DNAI4: variants seen among roughly 807,000 people sequenced by gnomAD.
DNAI4 encodes dynein axonemal intermediate chain 4, also known as WD repeat domain 78.
DNAI4 carries 85 observed loss-of-function variants against 105.8 expected under a neutral mutation model. That is an observed-to-expected ratio of 0.80 (90% CI 0.67 to 0.96). The LOEUF (loss-of-function observed/expected upper bound fraction) is 0.96, where lower values mean the gene tolerates loss of function less well. Among genes scored for constraint, DNAI4 ranks in the 40% least tolerant of loss-of-function variants. The probability of loss-of-function intolerance (pLI) is 0.00; values close to 1 mark genes in which losing one functional copy is unlikely to be tolerated. For missense variants in DNAI4, 1,014 were observed against 1,005.6 expected (o/e 1.01, Z -0.11); for synonymous variants, 352 against 331.5 (o/e 1.06, Z -0.67).
At position 66,844,991 on chromosome 1, in the gene DNAI4, C is replaced by T. The variant is rs370194766; in HGVS notation, c.1291+2493G>A. On this transcript the variant is annotated intron_variant, in intron 8 of 16. Coordinates refer to ENST00000371026, the MANE Select transcript of DNAI4 (RefSeq NM_024763.5). ...GGCGGATCACCTGAGGTCAAGAGTT[C>T]GAGACCAGCCTGACCAACACGGTGA... 2.1e-4 allele frequency among the ~76,000 whole-genome samples: 32 copies of T among 151,860 alleles called. No homozygotes were observed. The East Asian group carries it at 5.1e-3, about 24-fold the overall frequency.
At chr1:66,882,277 A>G (rs375904422) in intron 4 of DNAI4, among the ~76,000 whole-genome samples, 1 of 152,222 alleles carries the variant, frequency 6.6e-6, no homozygotes, top group African/African-American at 2.4e-5. Flanking sequence ...TTGTCTTATC[A>G]TTCACTTAAC....
chr1:66,856,389 C>T (rs981119069), intron 7 of DNAI4, among the ~76,000 whole-genome samples: 11 of 151,906 alleles, frequency 7.2e-5, no homozygotes, highest in African/African-American at 2.7e-4. Context: ...AGAAGAATGG[C>T]GTGAACCCAG....
chr1:66,866,168 G>A (rs545280081), intron 6 of DNAI4, among the ~76,000 whole-genome samples: 38 of 152,076 alleles, frequency 2.5e-4, no homozygotes, highest in Admixed American at 1.4e-3. Context: ...TAAGCCAGGT[G>A]TGACGGCAGG....
At chr1:66,878,491 G>A (rs1647003706) in intron 4 of DNAI4, among the ~76,000 whole-genome samples, 1 of 152,084 alleles carries the variant, frequency 6.6e-6, no homozygotes. Context: ...ACCAAAATCT[G>A]AGCACTGAGA....
intron 16 of DNAI4, among the ~76,000 whole-genome samples, chr1:66,819,207 C>T (rs1259963055): frequency 6.6e-6 from 1 of 152,108 alleles, no homozygotes; most frequent in Admixed American, 6.6e-5. Context: ...TTTCCAATTC[C>T]TTATCTTTGC....
Position 66,924,665 on chromosome 1 carries a change from C to T in DNAI4, c.167G>A (p.Gly56Glu). 1.9e-6 allele frequency: 3 copies of T among 1,614,252 alleles called. No individual in the cohort carries two copies. Among genetic ancestry groups the T allele is most frequent in the Non-Finnish European group, 2.5e-6 (3 of 1,180,042 alleles). ...GGTTTTTAGCGCCGGAACTTACAAC[C>T]CGAAGTTCTGCTGCTTGTGACTGCC... ...PAGSHKQQNF[G>E]LNNATQPKKS... Residue 56 changes from glycine (G) to glutamate (E), a missense_variant, in exon 1 of 17, where the codon GGG (glycine) becomes GAG (glutamate). Physicochemically the swap from Gly to Glu is moderately conservative, Grantham distance 98. Coordinates refer to ENST00000371026, the MANE Select transcript of DNAI4 (RefSeq NM_024763.5).
chr1:66,872,246 T>TTATTTATC (rs1646863480), intron 5 of DNAI4, among the ~76,000 whole-genome samples: 1 of 151,978 alleles, frequency 6.6e-6, no homozygotes. Flanking sequence ...ATTTATTTAT[T>TTATTTATC]GAGACGGAGT....
chr1:66,922,566 C>T (rs1650572353), intron 1 of DNAI4, among the ~76,000 whole-genome samples: 1 of 152,204 alleles, frequency 6.6e-6, no homozygotes, highest in Non-Finnish European at 1.5e-5. Context: ...ACATTGATTA[C>T]TACCTGGAGG....
chr1:66,887,692 G>C (rs552520196), intron 4 of DNAI4, among the ~76,000 whole-genome samples: 1 of 151,954 alleles, frequency 6.6e-6, no homozygotes, highest in Non-Finnish European at 1.5e-5. Context: ...TACTACTACC[G>C]TCCAGAAGTG....
At chr1:66,863,727 G>A (rs1199528847) in intron 6 of DNAI4, among the ~76,000 whole-genome samples, 1 of 152,066 alleles carries the variant, frequency 6.6e-6, no homozygotes, top group Non-Finnish European at 1.5e-5. Flanking sequence ...CAAAGTGCTG[G>A]GATTACAGGT....
rs114378211 is a variant in DNAI4, at chr1:66,917,226, A to G, written c.170+7436T>C. Among the ~76,000 whole-genome samples, 970 of 152,328 alleles carry G rather than the reference A, an allele frequency of 6.4e-3. 9 individuals carry two copies. The highest frequency in any genetic ancestry group is 0.022 in the African/African-American group (904 of 41,578). Reference sequence around the variant, plus strand: ...GGGAAACTCCTGTAATTCTGATTTAACTTAGTGAACGTTATCAGTAATTGT... The same window carrying G: ...GGGAAACTCCTGTAATTCTGATTTAGCTTAGTGAACGTTATCAGTAATTGT... On this transcript the variant is annotated intron_variant, in intron 1 of 16. Transcript: ENST00000371026.
intron 4 of DNAI4, among the ~76,000 whole-genome samples, chr1:66,881,122 G>A (rs1307327706): frequency 3.3e-5 from 5 of 152,204 alleles, no homozygotes; most frequent in Admixed American, 2.0e-4. Context: ...GTATGGTAAC[G>A]CCTGGATGCC....
At chr1:66,918,831 A>G (rs370371541) in intron 1 of DNAI4, among the ~76,000 whole-genome samples, 4 of 152,298 alleles carry the variant, frequency 2.6e-5, no homozygotes, top group Admixed American at 1.3e-4. Flanking sequence ...TAAAAGGAAA[A>G]TATTTTGGGC....
chr1:66,903,565 T>C (rs1482256292), intron 2 of DNAI4, among the ~76,000 whole-genome samples: 2 of 152,182 alleles, frequency 1.3e-5, no homozygotes, highest in African/African-American at 4.8e-5. Context: ...CTCTCTCTGC[T>C]CACTGCAACC....
At position 66,827,922 on chromosome 1, in the gene DNAI4, A is replaced by AT; in HGVS notation, c.2014-13_2014-12insA. ...TAGATATTTGTGTCCTACAACACAA[A>AT]ACATCGAAATGCATTGGCTTGTGAT... On this transcript the variant is annotated splice_polypyrimidine_tract_variant and intron_variant, in intron 13 of 16. Coordinates refer to ENST00000371026, the MANE Select transcript of DNAI4 (RefSeq NM_024763.5). The AT allele has an allele frequency of 6.5e-7, 1 of 1,539,750 alleles. No homozygotes were observed. The highest frequency in any genetic ancestry group is 8.9e-7 in the Non-Finnish European group (1 of 1,122,166).
intron 4 of DNAI4, among the ~76,000 whole-genome samples, chr1:66,889,218 C>A (rs779644158): frequency 3.9e-5 from 6 of 152,206 alleles, no homozygotes; most frequent in Non-Finnish European, 8.8e-5. Flanking sequence ...TAAGGGTGGT[C>A]ATGTGACAGT....
intron 7 of DNAI4, among the ~76,000 whole-genome samples, chr1:66,849,204 C>T (rs1646342564): frequency 6.6e-6 from 1 of 152,184 alleles, no homozygotes; most frequent in Non-Finnish European, 1.5e-5. Context: ...GAACAACCTC[C>T]ACTCTGTTGT....
chr1:66,893,073 G>GAAAGAAAGAAAGAAAGAA (rs998737263), intron 3 of DNAI4, among the ~76,000 whole-genome samples, 156 bp downstream of exon 3: 1 of 135,956 alleles, frequency 7.4e-6, no homozygotes, highest in East Asian at 2.1e-4. Flanking sequence ...GAGAAAGAAA[G>GAAAGAAAGAAAGAAAGAA]AAAGAAAGAA....
At chr1:66,878,008 C>T (rs1646993057) in intron 4 of DNAI4, among the ~76,000 whole-genome samples, 1 of 152,074 alleles carries the variant, frequency 6.6e-6, no homozygotes, top group South Asian at 2.1e-4. Context: ...TATTTTCCCC[C>T]CTCTCTCTTT....
Sources: gnomAD v4.1 joint callset for allele counts (sites outside exome capture counted in the v4.1 genomes callset) on GRCh38, gnomAD v4.1.1 for gene constraint, MANE v1.5 for transcripts, NCBI Gene and HGNC (gene_info 2026-07-23, HGNC 2026-07-21) for gene names.